ZNF117: variants seen among roughly 807,000 people sequenced by gnomAD.
The protein encoded by ZNF117 is zinc finger protein 117.
Under a neutral mutation model 41.2 loss-of-function variants are expected in ZNF117, and 37 were observed. That is an observed-to-expected ratio of 0.90 (90% CI 0.69 to 1.18). ZNF117 has a LOEUF of 1.18. Among genes scored for constraint, ZNF117 ranks in the 50% most tolerant of loss-of-function variants. ZNF117 has a pLI of 0.00. For missense variants in ZNF117, 546 were observed against 557.5 expected, an observed-to-expected ratio of 0.98 and a Z score of 0.21; for synonymous variants, 186 against 186.6, an observed-to-expected ratio of 1.00 and a Z score of 0.02.
chr7:64,977,140 A>G (rs1404211327), exon 3 of ZNF117: 8 of 488,792 alleles, frequency 1.6e-5, no homozygotes, highest in African/African-American at 6.0e-5. Flanking sequence ...CATTCTTTAC[A>G]TTTGTACAGT....
At chr7:64,972,222 T>A (rs1029284603), downstream of ZNF117, 1 of 152,066 alleles carries the variant, frequency 6.6e-6, no homozygotes, top group Non-Finnish European at 1.5e-5. Flanking sequence ...TTGGTTTGAA[T>A]GTGAATGAGG....
At chr7:64,978,278 G>C (rs1370245985) in exon 3 of ZNF117, 2 of 1,593,054 alleles carry the variant, frequency 1.3e-6, no homozygotes, top group South Asian at 2.2e-5. Flanking sequence ...GTCCAATAAG[G>C]GTTGAAGATC....
upstream of ZNF117, among the ~76,000 whole-genome samples, chr7:64,984,948 G>A (rs1266176256): frequency 5.9e-5 from 9 of 152,128 alleles, no homozygotes; most frequent in East Asian, 3.9e-4. Flanking sequence ...GCGCCACCAC[G>A]CCCGGCTAAT....
chr7:64,984,565 TA>T (rs1786095086), upstream of ZNF117, among the ~76,000 whole-genome samples: 1 of 152,230 alleles, frequency 6.6e-6, no homozygotes, highest in Non-Finnish European at 1.5e-5. Context: ...TGATAGACAC[TA>T]AAATCATGCT....
At chr7:64,972,736 G>T (rs201149805), downstream of ZNF117, 3 of 152,038 alleles carry the variant, frequency 2.0e-5, no homozygotes, top group Non-Finnish European at 4.4e-5. Context: ...GTACAGCATA[G>T]TGACTACAGA....
At chr7:64,978,417 C>T (rs1785942844) in exon 3 of ZNF117, 1 of 1,612,562 alleles carries the variant, frequency 6.2e-7, no homozygotes, top group East Asian at 2.2e-5. Context: ...GGGATTCTCT[C>T]CAGTATGGAT....
At chr7:64,985,889 T>C (rs916362632), upstream of ZNF117, among the ~76,000 whole-genome samples, 1 of 139,462 alleles carries the variant, frequency 7.2e-6, no homozygotes, top group Non-Finnish European at 1.5e-5. Context: ...GAGGTGGAGG[T>C]TGCAGTGAGC....
chr7:64,984,444 G>C (rs925143160), upstream of ZNF117, among the ~76,000 whole-genome samples: 11 of 152,170 alleles, frequency 7.2e-5, no homozygotes, highest in African/African-American at 2.7e-4. Context: ...TCATATAGTG[G>C]AATACATTTG....
upstream of ZNF117, among the ~76,000 whole-genome samples, chr7:64,984,629 A>T (rs1786095839): frequency 6.6e-6 from 1 of 152,218 alleles, no homozygotes; most frequent in African/African-American, 2.4e-5. Flanking sequence ...TACTAATATT[A>T]CTGTAATAGT....
chr7:64,981,696 G>A (rs948651296), intron 1 of ZNF117, among the ~76,000 whole-genome samples: 17 of 152,000 alleles, frequency 1.1e-4, no homozygotes, highest in African/African-American at 4.1e-4. Context: ...AACAATTGTT[G>A]TTGGGAGTTA....
At position 64,978,195 on chromosome 7, in the gene ZNF117, G is replaced by A. The variant is rs1022459047; in HGVS notation, c.1376C>T (p.Thr459Ile). 1.3e-5 allele frequency: 21 copies of A among 1,610,570 alleles called. No homozygotes were observed. The highest frequency in any genetic ancestry group is 2.7e-5 in the African/African-American group (2 of 74,210). ...ATGAATTATCTTATGTGTAGTAAGT[G>A]TTGAAGATTGGTTAAAAGCTTTGCC... The change falls in exon 3 of 3, where the codon ACA becomes ATA. Residue 459 changes from threonine to isoleucine, a missense_variant. By Grantham distance (89) the Thr-to-Ile change is moderately conservative. Coordinates refer to ENST00000620222, the Ensembl canonical transcript of ZNF117.
chr7:64,977,417 A>G, exon 3 of ZNF117: 1 of 435,144 alleles, frequency 2.3e-6, no homozygotes. Context: ...CTCCTGTATG[A>G]ATTTTCTTAT....
chr7:64,990,611 C>T (rs1786242908), exon 1 of ZNF117: 1 of 152,244 alleles, frequency 6.6e-6, no homozygotes, highest in African/African-American at 2.4e-5. Flanking sequence ...GTCTTGTGAC[C>T]TTGCCATGCT....
chr7:64,984,703 T>C (rs1037157022), upstream of ZNF117, among the ~76,000 whole-genome samples: 2 of 152,220 alleles, frequency 1.3e-5, no homozygotes, highest in Admixed American at 1.3e-4. Context: ...GTACTAGTCA[T>C]AATGTACATA....
chr7:64,983,499 A>G (rs940447370), upstream of ZNF117, among the ~76,000 whole-genome samples: 9 of 152,216 alleles, frequency 5.9e-5, no homozygotes, highest in African/African-American at 2.2e-4. Flanking sequence ...ACAATTAGAG[A>G]AGTAAAGGTT....
At chr7:64,976,780 G>T (rs1048541936) in exon 3 of ZNF117, 1 of 370,092 alleles carries the variant, frequency 2.7e-6, no homozygotes. Flanking sequence ...AAGTTTGAAG[G>T]TGTTGTCAAA....
rs377682800 is a variant in ZNF117, at chr7:64,977,564, G to A, written c.*555C>T. ...AAGCTTTGCCACATTCTTCACACTT[G>A]TAGGGTTTCTCTCCAGTATGAATTC... On this transcript the variant is annotated 3_prime_UTR_variant, in exon 3 of 3. Coordinates refer to ENST00000620222, the Ensembl canonical transcript of ZNF117. 3.1e-4 allele frequency: 176 copies of A among 563,238 alleles called. 2 individuals carry two copies. The Middle Eastern group carries it at 5.6e-3, about 18-fold the overall frequency. The allele number at this position is 563,238 out of a possible 1,614,324, so 34.9% of individuals were successfully genotyped here.
exon 3 of ZNF117, chr7:64,975,036 G>T (rs987009810): frequency 5.3e-5 from 8 of 151,854 alleles, no homozygotes; most frequent in Admixed American, 1.3e-4. Context: ...TGGGAACAAT[G>T]TTCTTTAATT....
upstream of ZNF117, among the ~76,000 whole-genome samples, chr7:64,984,937 C>A (rs62456470): frequency 5.4e-4 from 82 of 152,048 alleles, 1 homozygote; most frequent in Middle Eastern, 0.014. Context: ...ATTACAGGCA[C>A]GCGCCACCAC....
Sources: gnomAD v4.1 joint callset for allele counts (sites outside exome capture counted in the v4.1 genomes callset) on GRCh38, gnomAD v4.1.1 for gene constraint, MANE v1.5 for transcripts, NCBI Gene and HGNC (gene_info 2026-07-23, HGNC 2026-07-21) for gene names.